MYO18A: variants seen among roughly 807,000 people sequenced by gnomAD.
MYO18A encodes the protein myosin XVIIIA, also known as unconventional myosin-XVIIIa.
MYO18A carries 78 observed loss-of-function variants against 235.8 expected under a neutral mutation model. That is an observed-to-expected ratio of 0.33 (90% CI 0.28 to 0.40). MYO18A has a LOEUF of 0.40. MYO18A is among the 10% of genes least tolerant of loss of function. The probability of loss-of-function intolerance (pLI) is 1.00; values close to 1 mark genes in which losing one functional copy is unlikely to be tolerated. For synonymous variants in MYO18A, 977 were observed against 1,077.8 expected, an observed-to-expected ratio of 0.91 and a Z score of 1.83; for missense variants, 2,215 against 2,699.3, an observed-to-expected ratio of 0.82 and a Z score of 3.98.
intron 41 of MYO18A, among the ~76,000 whole-genome samples, chr17:29,081,497 G>C (rs1274042235): frequency 6.6e-6 from 1 of 152,178 alleles, no homozygotes; most frequent in African/African-American, 2.4e-5. Flanking sequence ...AGAAGGGAGG[G>C]AGAGATGTTA....
At chr17:29,096,676 C>T in intron 28 of MYO18A, 85 bp downstream of exon 28, 6 of 1,417,342 alleles carry the variant, frequency 4.2e-6, no homozygotes, top group Non-Finnish European at 5.6e-6. Context: ...GTCCTTCCTT[C>T]TTTCCTCCCT....
At chr17:29,097,705 GGACAAGGGGCAT>G (rs2152778817) in intron 26 of MYO18A, 71 bp downstream of exon 26, 1 of 1,221,224 alleles carries the variant, frequency 8.2e-7, no homozygotes, top group East Asian at 2.3e-5. Flanking sequence ...AGACAGGCCT[GGACAAGGGGCAT>G]GACTACCCAG....
intron 2 of MYO18A, among the ~76,000 whole-genome samples, chr17:29,150,626 C>T (rs536693545): frequency 9.8e-5 from 15 of 152,338 alleles, no homozygotes; most frequent in South Asian, 2.1e-4. Context: ...TGTTTAGAGC[C>T]GTACTGTTCA....
chr17:29,114,339 G>A, intron 14 of MYO18A: 1 of 502,834 alleles, frequency 2.0e-6, no homozygotes, highest in South Asian at 2.4e-5. Flanking sequence ...TTACTCACAT[G>A]AGTTGATTAG....
rs1386114090 is a variant in MYO18A at position 29,166,918 on chromosome 17, T to C, written c.23A>G (p.Asp8Gly). 2 of 1,546,692 alleles carry C rather than the reference T, an allele frequency of 1.3e-6. No homozygotes were observed. Among genetic ancestry groups the C allele is most frequent in the African/African-American group, 1.4e-5 (1 of 72,816 alleles). ...CTTCCGCCCGCCATCTTTGTCCTTGTCTTTCTTCATTAGGTTAAACATGGT... is the reference window on the plus strand; with the variant it reads ...CTTCCGCCCGCCATCTTTGTCCTTGCCTTTCTTCATTAGGTTAAACATGGT... MFNLMKK[D>G]KDKDGGRKEK... Residue 8 changes from aspartate (D) to glycine (G), a missense_variant, in exon 2 of 42, where the codon GAC becomes GGC. Transcript: ENST00000527372.
intron 41 of MYO18A, chr17:29,076,079 A>G (rs2065968511): frequency 6.4e-6 from 1 of 156,884 alleles, no homozygotes; most frequent in South Asian, 2.1e-4. Flanking sequence ...GCTTTTCCCA[A>G]GGTGGCAGTG....
chr17:29,090,518 C>G lies in MYO18A; in HGVS notation c.5388+14G>C, dbSNP rs919745660. 3 of 1,575,754 alleles carry G rather than the reference C, an allele frequency of 1.9e-6. No homozygotes were observed. Among genetic ancestry groups the G allele is most frequent in the Non-Finnish European group, 2.6e-6 (3 of 1,158,808 alleles). On this transcript the variant is annotated intron_variant, in intron 36 of 41. Transcript: ENST00000527372. ...TGGCACTCTCTCTCTCCTGAGGGAG[C>G]CCCTGGTCCTCACCTTCTCCTGCAG...
chr17:29,087,902 G>A (rs969615621), intron 37 of MYO18A, among the ~76,000 whole-genome samples: 1 of 152,026 alleles, frequency 6.6e-6, no homozygotes, highest in African/African-American at 2.4e-5. Context: ...CAAGTCCTGT[G>A]GGCCTGTCCT....
intron 2 of MYO18A, among the ~76,000 whole-genome samples, chr17:29,150,476 T>A (rs1053344657): frequency 6.6e-6 from 1 of 152,044 alleles, no homozygotes; most frequent in African/African-American, 2.4e-5. Flanking sequence ...CTGGTGGTGG[T>A]TGAGGTGTAG....
At chr17:29,105,034 G>T (rs1234221814) in intron 20 of MYO18A, among the ~76,000 whole-genome samples, 1 of 151,894 alleles carries the variant, frequency 6.6e-6, no homozygotes, top group Non-Finnish European at 1.5e-5. Context: ...CAAAAAATTA[G>T]CTGGGCATGG....
chr17:29,165,867 C>T (rs965864584), intron 2 of MYO18A, 75 bp downstream of exon 2: 3 of 1,394,666 alleles, frequency 2.2e-6, no homozygotes, highest in South Asian at 1.3e-5. Context: ...CTTGGGTACC[C>T]CGATTACCCA....
chr17:29,073,791 G>A lies in MYO18A; in HGVS notation c.*979C>T. 2 of 1,476,964 alleles carry A rather than the reference G, an allele frequency of 1.4e-6. No homozygotes were observed. Among genetic ancestry groups the A allele is most frequent in the South Asian group, 2.6e-5 (2 of 78,128 alleles). 91.5% of individuals were successfully genotyped at this position (1,476,964 alleles called of 1,614,324 possible). ...ACACGGGCTCAGGACACAGAGTGAG[G>A]ACTCATGTCTAATGAGCACCGGCCA... On this transcript the variant is annotated 3_prime_UTR_variant, in exon 42 of 42. Coordinates refer to ENST00000527372, the MANE Select transcript of MYO18A (RefSeq NM_078471.4).
rs759049441 is a variant in MYO18A at position 29,097,319 on chromosome 17, A to G, written c.4134T>C (p.Ala1378=). ...GGEWRLKYER[A]VREVDFTKKR... ...TCTTGGTGAAGTCCACCTCCCGCAC[A>G]GCCCGCTCATACTTCAGCCGCCACT... The change falls in exon 27 of 42, where the codon GCT becomes GCC. Residue 1378 remains alanine, a synonymous_variant. Coordinates refer to ENST00000527372, the MANE Select transcript of MYO18A (RefSeq NM_078471.4). 6 of 1,609,604 alleles carry G rather than the reference A, an allele frequency of 3.7e-6. No homozygotes were observed. The highest frequency in any genetic ancestry group is 1.7e-5 in the Admixed American group (1 of 59,978).
chr17:29,073,937 C>T lies in MYO18A; in HGVS notation c.*833G>A, dbSNP rs915371528. The stretch of plus-strand genomic sequence containing the variant: ...GAGGGAGGCAGTGCTTGGATCAGCC[C>T]TGAACTGCTGTAGTTGGAATGGGTT... On this transcript the variant is annotated 3_prime_UTR_variant, in exon 42 of 42. Transcript: ENST00000527372. 4.8e-5 allele frequency: 78 copies of T among 1,613,972 alleles called. No individual in the cohort carries two copies. The highest frequency in any genetic ancestry group is 6.5e-5 in the Non-Finnish European group (77 of 1,180,018).
chr17:29,094,473 G>C (rs1009204818), intron 30 of MYO18A, 177 bp downstream of exon 30: 1 of 672,864 alleles, frequency 1.5e-6, no homozygotes, highest in Non-Finnish European at 2.5e-6. Context: ...CCACGAGCGC[G>C]TCTTCACACT....
chr17:29,107,009 G>T, intron 20 of MYO18A, 71 bp downstream of exon 20: 1 of 1,429,320 alleles, frequency 7.0e-7, no homozygotes, highest in Non-Finnish European at 9.9e-7. Context: ...AGGGAAGGCA[G>T]ATGAGTCTGG....
Position 29,093,381 on chromosome 17 carries a change from T to C in MYO18A, c.4868A>G (p.Gln1623Arg), listed in dbSNP as rs1439345995. Residue 1623 changes from glutamine to arginine, a missense_variant, in exon 32 of 42, where the codon CAG becomes CGG. Transcript: ENST00000527372. The stretch of plus-strand genomic sequence containing the variant: ...CTCCCGCTTCTCTCGCAGAACCTTC[T>C]GCTTGTCCTCATACTCTTCCTCTAG... ...VQLEEEYEDK[Q>R]KVLREKRELE... 6.2e-7 allele frequency: 1 copy of C among 1,612,662 alleles called. No individual in the cohort carries two copies. Among genetic ancestry groups the C allele is most frequent in the South Asian group, 1.1e-5 (1 of 91,058 alleles).
At chr17:29,134,516 A>T (rs2067548891) in intron 2 of MYO18A, among the ~76,000 whole-genome samples, 2 of 151,038 alleles carry the variant, frequency 1.3e-5, no homozygotes. Flanking sequence ...AGGCACTCAA[A>T]CTCTATTTAT....
intron 18 of MYO18A, 101 bp from the exon 19 acceptor site, chr17:29,110,202 GC>G: frequency 6.7e-7 from 1 of 1,483,866 alleles, no homozygotes; most frequent in Non-Finnish European, 9.1e-7. Flanking sequence ...GGTAGCAGCG[GC>G]CCCAGCACCA....
Sources: gnomAD v4.1 joint callset for allele counts (sites outside exome capture counted in the v4.1 genomes callset) on GRCh38, gnomAD v4.1.1 for gene constraint, MANE v1.5 for transcripts, NCBI Gene and HGNC (gene_info 2026-07-23, HGNC 2026-07-21) for gene names.